The following SCD5 variants were observed in gnomAD, a reference collection of about 807,000 sequenced individuals.
SCD5 encodes the protein stearoyl-CoA desaturase 5.
A neutral mutation model predicts 30.4 loss-of-function variants in SCD5; 20 were observed. The observed-to-expected ratio is 0.66, with a 90% confidence interval of 0.46 to 0.96. SCD5 has a LOEUF of 0.96. SCD5 is among the 40% of genes least tolerant of loss of function. SCD5 has a pLI of 0.00. For missense variants in SCD5, 381 were observed against 443.3 expected (o/e 0.86, Z 1.26); for synonymous variants, 173 against 176.4 (o/e 0.98, Z 0.16).
chr4:82,762,299 C>T (rs868446210), intron 1 of SCD5, among the ~76,000 whole-genome samples: 5 of 150,652 alleles, frequency 3.3e-5, no homozygotes, highest in South Asian at 2.2e-4. Context: ...GTTGCCCAGG[C>T]TGGTGTGCAG....
At chr4:82,682,573 G>T (rs1318812487) in intron 2 of SCD5, among the ~76,000 whole-genome samples, 1 of 152,138 alleles carries the variant, frequency 6.6e-6, no homozygotes, top group Admixed American at 6.5e-5. Context: ...TCAATACTGG[G>T]TAATGTTCTC....
At chr4:82,797,641 T>C (rs1045305376) in intron 1 of SCD5, among the ~76,000 whole-genome samples, 4 of 151,794 alleles carry the variant, frequency 2.6e-5, no homozygotes, top group Non-Finnish European at 5.9e-5. Flanking sequence ...GTCAGACCGC[T>C]CTCGCCATGG....
In SCD5 at chr4:82,766,417, C is replaced by G. The variant is rs186147742; in HGVS notation, c.232+31889G>C. On this transcript the variant is annotated intron_variant, in intron 1 of 4. Transcript: ENST00000319540. Reference sequence around the variant, plus strand: ...TCATCTCAGATATTGTATTTTCCATCTCTAGAAGTTTAATTTGGGTCTTTT... The same window carrying G: ...TCATCTCAGATATTGTATTTTCCATGTCTAGAAGTTTAATTTGGGTCTTTT... Among the ~76,000 whole-genome samples, 69 of 152,302 alleles carry G rather than the reference C, an allele frequency of 4.5e-4. 1 individual carries two copies. The highest frequency in any genetic ancestry group is 8.4e-4 in the Non-Finnish European group (57 of 68,030).
chr4:82,650,099 A>G (rs1157241284), intron 3 of SCD5, among the ~76,000 whole-genome samples: 2 of 152,140 alleles, frequency 1.3e-5, no homozygotes. Context: ...TAGGTTGTCT[A>G]GTGCTCTCTA....
At chr4:82,675,915 C>T (rs141529382) in intron 3 of SCD5, among the ~76,000 whole-genome samples, 2 of 152,334 alleles carry the variant, frequency 1.3e-5, no homozygotes, top group East Asian at 3.9e-4. Context: ...TACCCCATAT[C>T]GATTCACCCT....
intron 1 of SCD5, among the ~76,000 whole-genome samples, chr4:82,766,239 G>A (rs1309689824): frequency 2.0e-5 from 3 of 152,250 alleles, no homozygotes; most frequent in South Asian, 4.1e-4. Flanking sequence ...GCCATCTGAC[G>A]CTGTCCCACA....
At chr4:82,712,337 C>A in intron 1 of SCD5, among the ~76,000 whole-genome samples, 1 of 112,870 alleles carries the variant, frequency 8.9e-6, no homozygotes, top group Admixed American at 9.2e-5. Flanking sequence ...GATGAAGTCT[C>A]GCTCTGTCGC....
At chr4:82,736,054 G>A (rs1720743879) in intron 1 of SCD5, among the ~76,000 whole-genome samples, 1 of 152,184 alleles carries the variant, frequency 6.6e-6, no homozygotes, top group Non-Finnish European at 1.5e-5. Flanking sequence ...AGGAGACCAA[G>A]GTGGGCAGAT....
At chr4:82,798,145 GA>G (rs1722269521) in intron 1 of SCD5, among the ~76,000 whole-genome samples, 160 bp downstream of exon 1, 1 of 151,486 alleles carries the variant, frequency 6.6e-6, no homozygotes, top group African/African-American at 2.4e-5. Flanking sequence ...CCAAGGGACG[GA>G]AAACTGGATG....
chr4:82,677,753 G>C (rs1018934212), intron 3 of SCD5, among the ~76,000 whole-genome samples: 1 of 152,130 alleles, frequency 6.6e-6, no homozygotes, highest in African/African-American at 2.4e-5. Flanking sequence ...ATAATCACAA[G>C]AACATTGAGT....
intron 1 of SCD5, among the ~76,000 whole-genome samples, chr4:82,723,069 C>A (rs1227646757): frequency 1.6e-5 from 2 of 126,404 alleles, no homozygotes; most frequent in South Asian, 2.5e-4. Context: ...AAGAGCGAAA[C>A]TCTGTCTCAA....
chr4:82,631,338 T>C lies in SCD5; in HGVS notation c.982A>G (p.Ser328Gly). Residue 328 changes from serine (S) to glycine (G), a missense_variant, in exon 5 of 5, where the codon AGC becomes GGC. Physicochemically the swap from Ser to Gly is moderately conservative, Grantham distance 56. Coordinates refer to ENST00000319540, the MANE Select transcript of SCD5 (RefSeq NM_001037582.3). ...IEARKARTGD[S>G]SA ...TGGCTGTTCCAAGTTCAAGCACTGCTGTCTCCAGTCCTGGCCTTCCGGGCC... is the reference window on the plus strand; with the variant it reads ...TGGCTGTTCCAAGTTCAAGCACTGCCGTCTCCAGTCCTGGCCTTCCGGGCC... 1.2e-6 allele frequency: 2 copies of C among 1,613,722 alleles called. No homozygotes were observed. The highest frequency in any genetic ancestry group is 1.7e-4 in the Middle Eastern group (1 of 5,940).
intron 4 of SCD5, among the ~76,000 whole-genome samples, chr4:82,634,116 T>C (rs570007417): frequency 1.1e-4 from 16 of 152,374 alleles, no homozygotes; most frequent in African/African-American, 3.4e-4. Flanking sequence ...GGTATTTCAT[T>C]ATATGGATGT....
intron 1 of SCD5, among the ~76,000 whole-genome samples, chr4:82,790,934 T>C (rs1336626734): frequency 1.3e-5 from 2 of 152,146 alleles, no homozygotes; most frequent in African/African-American, 2.4e-5. Flanking sequence ...CTGACAATCA[T>C]TGGAACTTAA....
intron 1 of SCD5, among the ~76,000 whole-genome samples, chr4:82,780,727 A>G (rs1434054530): frequency 6.6e-6 from 1 of 152,270 alleles, no homozygotes; most frequent in African/African-American, 2.4e-5. Flanking sequence ...ATTAATTAGC[A>G]CTTCAGCTAT....
intron 1 of SCD5, among the ~76,000 whole-genome samples, chr4:82,740,222 T>C (rs1349611868): frequency 2.0e-5 from 3 of 152,210 alleles, no homozygotes; most frequent in African/African-American, 4.8e-5. Flanking sequence ...GAGGAAATAA[T>C]CAACTTGATT....
At chr4:82,720,333 T>C (rs1295014791) in intron 1 of SCD5, among the ~76,000 whole-genome samples, 1 of 149,160 alleles carries the variant, frequency 6.7e-6, no homozygotes, top group East Asian at 2.0e-4. Flanking sequence ...CTCGGGAAGC[T>C]GAGGTGGAAG....
intron 1 of SCD5, among the ~76,000 whole-genome samples, chr4:82,734,766 ATTT>A (rs200082291): frequency 2.9e-5 from 4 of 139,664 alleles, no homozygotes; most frequent in Admixed American, 1.4e-4. Context: ...GTTGAGCTCA[ATTT>A]TTTTTTTTTT....
intron 1 of SCD5, among the ~76,000 whole-genome samples, chr4:82,734,893 G>C (rs1016573214): frequency 6.6e-6 from 1 of 151,842 alleles, no homozygotes; most frequent in Admixed American, 6.6e-5. Context: ...GCCTCCCAGA[G>C]TGCTGGGATT....
Sources: gnomAD v4.1 joint callset for allele counts (sites outside exome capture counted in the v4.1 genomes callset) on GRCh38, gnomAD v4.1.1 for gene constraint, MANE v1.5 for transcripts, NCBI Gene and HGNC (gene_info 2026-07-23, HGNC 2026-07-21) for gene names.